The following HPCAL4 variants were observed in gnomAD, a reference collection of about 807,000 sequenced individuals.
HPCAL4 encodes hippocalcin-like protein 4.
HPCAL4 carries 16 observed loss-of-function variants against 18.2 expected under a neutral mutation model. The ratio of observed to expected loss-of-function variants is 0.88; its 90% CI spans 0.59 to 1.33. HPCAL4 has a LOEUF of 1.33. Ranked by LOEUF, HPCAL4 falls within the 40% of genes most tolerant of loss-of-function variation. The pLI is 0.00. For missense variants in HPCAL4, 214 were observed against 256.6 expected (o/e 0.83, Z 1.14); for synonymous variants, 80 against 97.5 (o/e 0.82, Z 1.06).
intron 1 of HPCAL4, among the ~76,000 whole-genome samples, chr1:39,687,466 G>A (rs138752988): frequency 6.6e-6 from 1 of 152,340 alleles, no homozygotes; most frequent in East Asian, 1.9e-4. Context: ...GTGTGTGGGA[G>A]CATGTCAATG....
chr1:39,685,879 C>CA (rs34605605), intron 1 of HPCAL4, among the ~76,000 whole-genome samples: 36 of 136,736 alleles, frequency 2.6e-4, no homozygotes, highest in South Asian at 4.9e-4. Flanking sequence ...GACTCCACCT[C>CA]AAAAAAAAAA....
chr1:39,684,265 T>TC, intron 2 of HPCAL4, 113 bp from the exon 3 acceptor site: 1 of 1,058,506 alleles, frequency 9.4e-7, no homozygotes, highest in Non-Finnish European at 1.3e-6. Context: ...CCCGGGTGCC[T>TC]TGCCCCCGCC....
intron 1 of HPCAL4, among the ~76,000 whole-genome samples, chr1:39,687,902 CA>C (rs201550064): frequency 6.9e-5 from 7 of 101,670 alleles, no homozygotes; most frequent in African/African-American, 1.4e-4. Flanking sequence ...GACCCTGTCT[CA>C]AAAAAAAAAT....
chr1:39,682,889 C>CTT (rs910829720), intron 3 of HPCAL4, among the ~76,000 whole-genome samples, 156 bp from the exon 4 acceptor site: 3 of 147,274 alleles, frequency 2.0e-5, no homozygotes, highest in African/African-American at 7.4e-5. Context: ...ATGAGCAACT[C>CTT]TTTTTTTTTT....
intron 1 of HPCAL4, among the ~76,000 whole-genome samples, chr1:39,685,748 C>T (rs1229194571): frequency 6.6e-6 from 1 of 151,774 alleles, no homozygotes; most frequent in Non-Finnish European, 1.5e-5. Context: ...GGCGTCGTGG[C>T]AGGCGCCTGT....
At chr1:39,685,916 T>G (rs912691381) in intron 1 of HPCAL4, among the ~76,000 whole-genome samples, 3 of 148,274 alleles carry the variant, frequency 2.0e-5, no homozygotes, top group African/African-American at 7.5e-5. Flanking sequence ...GCGCAGTGGC[T>G]CACGCCTGTA....
rs1646629651 is a variant in HPCAL4 at position 39,681,947 on chromosome 1, C to T, written c.*589G>A. On this transcript the variant is annotated 3_prime_UTR_variant, in exon 4 of 4. Coordinates refer to ENST00000372844, the MANE Select transcript of HPCAL4 (RefSeq NM_016257.4). The stretch of plus-strand genomic sequence containing the variant: ...TGACGGCTGGAAGTTTGCCTCACAA[C>T]CCTATGAGCTTCCAGAGGGCACAAG... The T allele has an allele frequency of 6.5e-6, 1 of 153,512 alleles. No individual in the cohort carries two copies. Among genetic ancestry groups the T allele is most frequent in the Non-Finnish European group, 1.5e-5 (1 of 68,724 alleles). The allele number at this position is 153,512 out of a possible 1,614,324, so 9.5% of individuals were successfully genotyped here.
In HPCAL4 at chr1:39,680,868, C is replaced by A. The variant is rs1469216371; in HGVS notation, c.*1668G>T. The A allele has an allele frequency of 1.3e-5, 2 of 152,626 alleles. No homozygotes were observed. The highest frequency in any genetic ancestry group is 4.8e-5 in the African/African-American group (2 of 41,454). The allele number at this position is 152,626 out of a possible 1,614,324, so 9.5% of individuals were successfully genotyped here. On this transcript the variant is annotated 3_prime_UTR_variant, in exon 4 of 4. Transcript: ENST00000372844. ...CAGAGAAGCAGGACAGGTGGGCACT[C>A]AGGAGTGAGGAGCATGCTGCATCTC...
rs769195789 is a variant in HPCAL4 at position 39,682,329 on chromosome 1, C to G, written c.*207G>C. ...CCAAGTGGGAGGTGGGGCTAGAAGACAGGGTACTGGAGGACCTGTCTCTTT... is the reference window on the plus strand; with the variant it reads ...CCAAGTGGGAGGTGGGGCTAGAAGAGAGGGTACTGGAGGACCTGTCTCTTT... On this transcript the variant is annotated 3_prime_UTR_variant, in exon 4 of 4. Coordinates refer to ENST00000372844, the MANE Select transcript of HPCAL4 (RefSeq NM_016257.4). 2 of 582,866 alleles carry G rather than the reference C, an allele frequency of 3.4e-6. No individual in the cohort carries two copies. The highest frequency in any genetic ancestry group is 1.9e-5 in the African/African-American group (1 of 53,516). The allele number at this position is 582,866 out of a possible 1,614,324, so 36.1% of individuals were successfully genotyped here.
chr1:39,682,793 G>T, intron 3 of HPCAL4, 60 bp from the exon 4 acceptor site: 1 of 1,358,748 alleles, frequency 7.4e-7, no homozygotes, highest in Non-Finnish European at 1.0e-6. Flanking sequence ...GAAGCAGCGG[G>T]TGAAGGAAAG....
At chr1:39,684,351 A>G (rs1646656024) in intron 2 of HPCAL4, 91 bp downstream of exon 2, 11 of 1,383,784 alleles carry the variant, frequency 7.9e-6, no homozygotes, top group Non-Finnish European at 9.6e-6. Flanking sequence ...GCCTCTTCTC[A>G]TCCCAGGGTG....
intron 1 of HPCAL4, among the ~76,000 whole-genome samples, chr1:39,686,180 CAAAAAAA>C (rs35915782): frequency 4.6e-5 from 4 of 86,470 alleles, no homozygotes; most frequent in African/African-American, 1.4e-4. Flanking sequence ...GACTCCGTCT[CAAAAAAA>C]AAAAAAAAAA....
At position 39,680,533 on chromosome 1, in the gene HPCAL4, A is replaced by G. The variant is rs1281099306; in HGVS notation, c.*2003T>C. ...AGCTAAGCCAGGCTGGTGAGCATCT[A>G]TGTGTCTGTGATGCTGACTGACCGC... On this transcript the variant is annotated 3_prime_UTR_variant, in exon 4 of 4. Transcript: ENST00000372844. The G allele has an allele frequency of 1.3e-5, 2 of 152,172 alleles. No homozygotes were observed. The highest frequency in any genetic ancestry group is 2.9e-5 in the Non-Finnish European group (2 of 68,020). The allele number at this position is 152,172 out of a possible 1,614,324, so 9.4% of individuals were successfully genotyped here.
rs1032846666 is a variant in HPCAL4 at position 39,681,418 on chromosome 1, T to C, written c.*1118A>G. On this transcript the variant is annotated 3_prime_UTR_variant, in exon 4 of 4. Coordinates refer to ENST00000372844, the MANE Select transcript of HPCAL4 (RefSeq NM_016257.4). ...CGGAATATACACTAGTTTCACTCTT[T>C]GCAAACCTTGCTTTTTCCTGTCCCT... The C allele has an allele frequency of 6.6e-6, 1 of 152,220 alleles. No individual in the cohort carries two copies. Among genetic ancestry groups the C allele is most frequent in the African/African-American group, 2.4e-5 (1 of 41,444 alleles). 9.4% of individuals were successfully genotyped at this position (152,220 alleles called of 1,614,324 possible). A position where few individuals can be genotyped will look rare whatever the true frequency, so the allele number is the denominator to read the frequency against.
At chr1:39,689,656 T>A (rs1258898126) in intron 1 of HPCAL4, among the ~76,000 whole-genome samples, 1 of 152,222 alleles carries the variant, frequency 6.6e-6, no homozygotes, top group African/African-American at 2.4e-5. Context: ...GAGCTGGGAC[T>A]GTCCCATACA....
intron 1 of HPCAL4, among the ~76,000 whole-genome samples, 186 bp from the exon 2 acceptor site, chr1:39,684,797 G>C (rs939911215): frequency 6.6e-6 from 1 of 152,138 alleles, no homozygotes; most frequent in African/African-American, 2.4e-5. Context: ...TCCTAGCCCC[G>C]GGGGTCTCCC....
At position 39,682,444 on chromosome 1, in the gene HPCAL4, T is replaced by G. The variant is rs1487353970; in HGVS notation, c.*92A>C. On this transcript the variant is annotated 3_prime_UTR_variant, in exon 4 of 4. Coordinates refer to ENST00000372844, the MANE Select transcript of HPCAL4 (RefSeq NM_016257.4). ...GGTGGGCCAGAGAGGGGGGCTGGAG[T>G]GTCCCTCCTCCTGGGAGGCCAGCCA... 9 of 1,203,064 alleles carry G rather than the reference T, an allele frequency of 7.5e-6. No individual in the cohort carries two copies. The highest frequency in any genetic ancestry group is 1.1e-5 in the Non-Finnish European group (9 of 828,926). The allele number at this position is 1,203,064 out of a possible 1,614,324, so 74.5% of individuals were successfully genotyped here. A position where few individuals can be genotyped will look rare whatever the true frequency, so the allele number is the denominator to read the frequency against.
chr1:39,689,978 C>T (rs996987373), intron 1 of HPCAL4, among the ~76,000 whole-genome samples: 1 of 152,150 alleles, frequency 6.6e-6, no homozygotes, highest in Non-Finnish European at 1.5e-5. Flanking sequence ...AAAGAGTAAT[C>T]CCAGCTGGCC....
Position 39,680,151 on chromosome 1 carries a change from A to G in HPCAL4, c.*2385T>C, listed in dbSNP as rs769243170. The G allele has an allele frequency of 7.2e-5, 11 of 152,640 alleles. No individual in the cohort carries two copies. Among genetic ancestry groups the G allele is most frequent in the Non-Finnish European group, 1.6e-4 (11 of 68,042 alleles). The allele number at this position is 152,640 out of a possible 1,614,324, so 9.5% of individuals were successfully genotyped here. On this transcript the variant is annotated 3_prime_UTR_variant, in exon 4 of 4. Transcript: ENST00000372844. ...GGAAGCCTATAAAGGATGAATATCA[A>G]TGTAACTTGCCCTGCTGTCAACCTC...
Sources: gnomAD v4.1 joint callset for allele counts (sites outside exome capture counted in the v4.1 genomes callset) on GRCh38, gnomAD v4.1.1 for gene constraint, MANE v1.5 for transcripts, NCBI Gene and HGNC (gene_info 2026-07-23, HGNC 2026-07-21) for gene names.